The following CCDC149 variants were observed in gnomAD, a reference collection of about 807,000 sequenced individuals.
CCDC149 encodes coiled-coil domain containing 149.
A neutral mutation model predicts 59.9 loss-of-function variants in CCDC149; 45 were observed. That is an observed-to-expected ratio of 0.75 (90% CI 0.59 to 0.96). CCDC149 has a LOEUF of 0.96. CCDC149 is among the 40% of genes least tolerant of loss of function. CCDC149 has a pLI of 0.00. For synonymous variants in CCDC149, 245 were observed against 260.6 expected (o/e 0.94, Z 0.58); for missense variants, 584 against 664.7 (o/e 0.88, Z 1.33).
intron 1 of CCDC149, among the ~76,000 whole-genome samples, chr4:24,886,192 G>A (rs1048316002): frequency 1.3e-5 from 2 of 152,184 alleles, no homozygotes. Flanking sequence ...GAATATATTG[G>A]AAGGATACTG....
chr4:24,914,545 G>A (rs1447101293), upstream of CCDC149, among the ~76,000 whole-genome samples: 1 of 152,108 alleles, frequency 6.6e-6, no homozygotes, highest in African/African-American at 2.4e-5. Flanking sequence ...CCAGATGTGT[G>A]AGTGAGGCCA....
chr4:24,838,934 C>G (rs984917323), intron 4 of CCDC149, among the ~76,000 whole-genome samples: 1 of 151,158 alleles, frequency 6.6e-6, no homozygotes, highest in African/African-American at 2.4e-5. Flanking sequence ...GTCTATGATG[C>G]CATGTTAAGT....
rs574244952 is a variant in CCDC149, at chr4:24,880,815, T to C, written c.64-4118A>G. ...CAATGGGCTCATCATGAACTGCAGG[T>C]ACCTTGGGAAAGCCATAATACAAAA... is the stretch of plus-strand genomic sequence containing the variant. On this transcript the variant is annotated intron_variant, in intron 1 of 12. Coordinates refer to ENST00000635206, the MANE Select transcript of CCDC149 (RefSeq NM_001330643.2). 6.6e-5 allele frequency among the ~76,000 whole-genome samples: 10 copies of C among 152,234 alleles called. No individual in the cohort carries two copies. The South Asian group carries it at 1.5e-3, about 22-fold the overall frequency.
chr4:24,830,363 T>TAA (rs1399471252), intron 9 of CCDC149: 6 of 152,354 alleles, frequency 3.9e-5, no homozygotes, highest in African/African-American at 1.4e-4. Flanking sequence ...ATTCCTTGGT[T>TAA]AAGATTTCAC....
At chr4:24,969,644 C>A (rs1386376529) in intron 1 of CCDC149, among the ~76,000 whole-genome samples, 1 of 152,198 alleles carries the variant, frequency 6.6e-6, no homozygotes, top group Admixed American at 6.5e-5. Flanking sequence ...GGCAGCCAGA[C>A]CCCAGTGGAG....
At chr4:24,857,307 C>G (rs1718073032) in intron 3 of CCDC149, among the ~76,000 whole-genome samples, 1 of 152,030 alleles carries the variant, frequency 6.6e-6, no homozygotes, top group African/African-American at 2.4e-5. Flanking sequence ...TTTGTAAAAT[C>G]TAATAAAAAT....
chr4:24,905,293 T>C (rs779076519), intron 1 of CCDC149, among the ~76,000 whole-genome samples: 5 of 152,092 alleles, frequency 3.3e-5, no homozygotes, highest in African/African-American at 7.2e-5. Context: ...CTCTTTATTG[T>C]TTTAACAGAG....
intron 4 of CCDC149, among the ~76,000 whole-genome samples, chr4:24,850,400 T>G (rs1249702058): frequency 2.0e-5 from 3 of 152,066 alleles, no homozygotes; most frequent in African/African-American, 7.3e-5. Flanking sequence ...GACTGACACC[T>G]AAGAGCTGGA....
intron 3 of CCDC149, among the ~76,000 whole-genome samples, chr4:24,871,549 C>G (rs978771889): frequency 1.2e-4 from 19 of 152,182 alleles, no homozygotes; most frequent in Non-Finnish European, 1.8e-4. Flanking sequence ...CATGTCAGTA[C>G]AGAACAACTA....
intron 1 of CCDC149, among the ~76,000 whole-genome samples, chr4:24,911,681 T>C (rs1205568104): frequency 1.3e-5 from 2 of 152,186 alleles, no homozygotes; most frequent in African/African-American, 4.8e-5. Flanking sequence ...AGACCAATGC[T>C]GAGCAAACTA....
intron 12 of CCDC149, among the ~76,000 whole-genome samples, chr4:24,812,057 A>G (rs1714645916): frequency 6.6e-6 from 1 of 152,094 alleles, no homozygotes; most frequent in Non-Finnish European, 1.5e-5. Flanking sequence ...TGTGTGCACA[A>G]TCTCTCTCTT....
chr4:24,927,350 C>T (rs1428578362), intron 1 of CCDC149, among the ~76,000 whole-genome samples: 1 of 152,188 alleles, frequency 6.6e-6, no homozygotes, highest in African/African-American at 2.4e-5. Context: ...AAAGTTGAAA[C>T]GTAAGGCAAG....
At chr4:24,843,361 T>C (rs1577402225) in intron 4 of CCDC149, among the ~76,000 whole-genome samples, 1 of 152,184 alleles carries the variant, frequency 6.6e-6, no homozygotes, top group African/African-American at 2.4e-5. Context: ...AAGGCATTTA[T>C]TAAACATTCA....
chr4:24,951,957 G>A lies in CCDC149; in HGVS notation c.-65+28112C>T, dbSNP rs147839879. Among the ~76,000 whole-genome samples, 481 of 152,336 alleles carry A rather than the reference G, an allele frequency of 3.2e-3. 5 individuals carry two copies. The highest frequency in any genetic ancestry group is 0.011 in the African/African-American group (453 of 41,570). ...GTCTTAGAAGAAAAGGAGTTTCTGTGAAGGACGAGACCTTTTCCTTTCTCA... is the reference window on the plus strand; with the variant it reads ...GTCTTAGAAGAAAAGGAGTTTCTGTAAAGGACGAGACCTTTTCCTTTCTCA... On this transcript the variant is annotated intron_variant, in intron 1 of 12. Transcript: ENST00000389609.
chr4:24,883,928 G>C (rs1720001202), intron 1 of CCDC149, among the ~76,000 whole-genome samples: 3 of 152,140 alleles, frequency 2.0e-5, no homozygotes, highest in Admixed American at 2.0e-4. Flanking sequence ...ACACATTCCA[G>C]GTTCTTTTTA....
chr4:24,839,993 G>A (rs1438426462), intron 4 of CCDC149, among the ~76,000 whole-genome samples: 2 of 152,246 alleles, frequency 1.3e-5, no homozygotes, highest in Middle Eastern at 3.4e-3. Context: ...GTTGCCAGTC[G>A]AGAAAATGGC....
chr4:24,816,397 T>A (rs79108834), intron 12 of CCDC149, among the ~76,000 whole-genome samples: 2,440 of 152,134 alleles, frequency 0.016, 79 homozygotes, highest in African/African-American at 0.056. Flanking sequence ...ACTTTTTTTT[T>A]AAATCCAAAA....
chr4:24,863,748 G>A (rs1023522720), intron 3 of CCDC149, among the ~76,000 whole-genome samples: 1 of 152,228 alleles, frequency 6.6e-6, no homozygotes. Context: ...TCCTTATTTG[G>A]AAATGTTATT....
intron 4 of CCDC149, among the ~76,000 whole-genome samples, chr4:24,848,278 T>C (rs560646995): frequency 2.6e-4 from 40 of 152,174 alleles, no homozygotes; most frequent in Admixed American, 1.7e-3. Context: ...TTATTTTACT[T>C]AATAATGCCT....
Sources: allele counts gnomAD v4.1 joint callset (sites outside exome capture counted in the v4.1 genomes callset), GRCh38; gene constraint gnomAD v4.1.1; transcripts MANE v1.5; gene names NCBI Gene and HGNC (gene_info 2026-07-23, HGNC 2026-07-21).